Variants in PLTP observed in about 807,000 individuals in gnomAD.
PLTP encodes the protein BPI fold containing family E.
In PLTP, 43 loss-of-function variants were observed where a neutral mutation model predicts 54.1. The ratio of observed to expected loss-of-function variants is 0.79; its 90% CI spans 0.62 to 1.02. The LOEUF (loss-of-function observed/expected upper bound fraction) is 1.02. Among genes scored for constraint, PLTP ranks in the 50% least tolerant of loss-of-function variants. The pLI is 0.00. For synonymous variants in PLTP, 263 were observed against 264.6 expected (o/e 0.99, Z 0.06); for missense variants, 604 against 645.9 (o/e 0.94, Z 0.70).
In PLTP at chr20:45,910,728, G is replaced by A. The variant is rs898820153; in HGVS notation, c.200+424C>T. ...CGTTCACTTTGCCTCCATCACCTAA[G>A]CTCCGTCTCACATCTCAATTCCTTA... On this transcript the variant is annotated intron_variant, in intron 3 of 15. Coordinates refer to ENST00000372431, the MANE Select transcript of PLTP (RefSeq NM_006227.4). 7 of 723,984 alleles carry A rather than the reference G, an allele frequency of 9.7e-6. No homozygotes were observed. In the African/African-American group the frequency reaches 1.1e-4, roughly 12 times the overall value. The allele number at this position is 723,984 out of a possible 1,614,324, so 44.8% of individuals were successfully genotyped here.
Position 45,911,134 on chromosome 20 carries a change from G to GC in PLTP, c.200+17dup. 2 of 1,612,634 alleles carry GC rather than the reference G, an allele frequency of 1.2e-6. No individual in the cohort carries two copies. The highest frequency in any genetic ancestry group is 8.5e-7 in the Non-Finnish European group (1 of 1,178,720). On this transcript the variant is annotated intron_variant, in intron 3 of 15. Coordinates refer to ENST00000372431, the MANE Select transcript of PLTP (RefSeq NM_006227.4). ...CCGAGGCCCCGCCCCGGATCGCGAG[G>GC]CCCCGCCCCCCACTTACTCAGAGAT...
chr20:45,910,682 A>C (rs1340746801), intron 3 of PLTP, among the ~76,000 whole-genome samples: 1 of 149,530 alleles, frequency 6.7e-6, no homozygotes, highest in East Asian at 2.0e-4. Flanking sequence ...GGGTTGCTAC[A>C]CCCGGTCTTT....
At chr20:45,909,831 A>G in intron 4 of PLTP, 111 bp downstream of exon 4, 1 of 1,479,638 alleles carries the variant, frequency 6.8e-7, no homozygotes, top group Non-Finnish European at 9.4e-7. Flanking sequence ...TTTCTGTTAC[A>G]CAGATGAAGA....
chr20:45,902,262 C>T lies in PLTP; in HGVS notation c.1175+5G>A, dbSNP rs758137325. 6.8e-6 allele frequency: 11 copies of T among 1,613,654 alleles called. No individual in the cohort carries two copies. The highest frequency in any genetic ancestry group is 3.3e-5 in the South Asian group (3 of 91,072). ...ACTGAGGTGCAGGGAAGTGCGCCTG[C>T]CTACCTGCGCAGGTCCAGCTGCGTG... On this transcript the variant is annotated splice_donor_5th_base_variant and intron_variant, in intron 12 of 15. Transcript: ENST00000372431.
chr20:45,912,086 T>G lies in PLTP; in HGVS notation c.-19A>C, dbSNP rs981338788. ...GGACGCGCCCCAACTCACTCAGCGG[T>G]GGAGCTGGGGGGCGGCGCGGTCACG... On this transcript the variant is annotated 5_prime_UTR_variant, in exon 1 of 16. Coordinates refer to ENST00000372431, the MANE Select transcript of PLTP (RefSeq NM_006227.4). The G allele has an allele frequency of 1.3e-5, 2 of 155,010 alleles. No homozygotes were observed. The highest frequency in any genetic ancestry group is 1.3e-4 in the Admixed American group (2 of 15,710). 9.6% of individuals were successfully genotyped at this position (155,010 alleles called of 1,614,324 possible). A position where few individuals can be genotyped will look rare whatever the true frequency, so the allele number is the denominator to read the frequency against.
chr20:45,905,478 TC>T (rs1158962597), intron 8 of PLTP, among the ~76,000 whole-genome samples: 1 of 152,274 alleles, frequency 6.6e-6, no homozygotes, highest in African/African-American at 2.4e-5. Flanking sequence ...ACTTCTTTAA[TC>T]TGCATAACAA....
chr20:45,911,426 T>G lies in PLTP; in HGVS notation c.27A>C (p.Leu9=). ...CTGCATGTGCGCCTGCCAGCAGCGCTAGGAAGAGGGCCCCGAAGAGGGCCA... is the reference window on the plus strand; with the variant it reads ...CTGCATGTGCGCCTGCCAGCAGCGCGAGGAAGAGGGCCCCGAAGAGGGCCA... MALFGALF[L]ALLAGAHAEF... The change falls in exon 2 of 16, where the codon CTA becomes CTC. Residue 9 remains leucine (L), a synonymous_variant. Coordinates refer to ENST00000372431, the MANE Select transcript of PLTP (RefSeq NM_006227.4). The G allele has an allele frequency of 6.2e-7, 1 of 1,606,536 alleles. No homozygotes were observed. The highest frequency in any genetic ancestry group is 1.1e-5 in the South Asian group (1 of 91,072).
intron 2 of PLTP, 50 bp downstream of exon 2, chr20:45,911,303 A>AC: frequency 6.2e-7 from 1 of 1,611,970 alleles, no homozygotes; most frequent in Non-Finnish European, 8.5e-7. Flanking sequence ...TGTTGGGGCG[A>AC]CCCCAACCCC....
At chr20:45,906,404 T>G in intron 7 of PLTP, 45 bp from the exon 8 acceptor site, 1 of 1,477,212 alleles carries the variant, frequency 6.8e-7, no homozygotes. Context: ...TGATGTGGGA[T>G]AAGGTGCTTA....
chr20:45,900,421 A>G (rs537064325), intron 12 of PLTP, among the ~76,000 whole-genome samples: 6 of 151,858 alleles, frequency 4.0e-5, no homozygotes, highest in Non-Finnish European at 7.4e-5. Context: ...GAGCACTTCT[A>G]ATGTGCCAGA....
chr20:45,909,787 C>A (rs2083273297), intron 4 of PLTP, 116 bp from the exon 5 acceptor site: 2 of 1,447,494 alleles, frequency 1.4e-6, no homozygotes, highest in African/African-American at 1.4e-5. Flanking sequence ...CCTACCAAAC[C>A]TTCCTATCAA....
chr20:45,906,387 G>T (rs764975021), intron 7 of PLTP, 28 bp from the exon 8 acceptor site: 1 of 1,573,020 alleles, frequency 6.4e-7, no homozygotes, highest in East Asian at 2.3e-5. Flanking sequence ...AGTCACTCAC[G>T]GCTGTGTGAT....
chr20:45,900,524 T>C (rs965434467), intron 12 of PLTP, among the ~76,000 whole-genome samples: 1 of 152,064 alleles, frequency 6.6e-6, no homozygotes, highest in Non-Finnish European at 1.5e-5. Flanking sequence ...ATTTATTTTC[T>C]TTTTTTATTT....
rs2083269746 is a variant in PLTP, at chr20:45,909,496, G to A, written c.485+20C>T. 1 of 1,613,690 alleles carries A rather than the reference G, an allele frequency of 6.2e-7. No individual in the cohort carries two copies. The highest frequency in any genetic ancestry group is 8.5e-7 in the Non-Finnish European group (1 of 1,179,878). ...TGTGGGGCTCGAAAAGGGTGAGCTGGGGTTGGGGCTGGGGCTTACTTGAAG... is the reference window on the plus strand; with the variant it reads ...TGTGGGGCTCGAAAAGGGTGAGCTGAGGTTGGGGCTGGGGCTTACTTGAAG... On this transcript the variant is annotated intron_variant, in intron 5 of 15. Transcript: ENST00000372431.
intron 8 of PLTP, among the ~76,000 whole-genome samples, chr20:45,905,985 G>GGGGAAAGGCCGTGCATT (rs1252276288): frequency 1.3e-5 from 2 of 152,208 alleles, no homozygotes; most frequent in Non-Finnish European, 2.9e-5. Context: ...GGCCGTGCAT[G>GGGGAAAGGCCGTGCATT]AGCAAAGGCC....
chr20:45,909,741 A>G, intron 4 of PLTP, 70 bp from the exon 5 acceptor site: 1 of 1,549,366 alleles, frequency 6.5e-7, no homozygotes, highest in Non-Finnish European at 8.9e-7. Flanking sequence ...ATGCATCACC[A>G]TACCTCTTAA....
At chr20:45,903,984 C>A (rs1422240675) in intron 10 of PLTP, among the ~76,000 whole-genome samples, 1 of 152,206 alleles carries the variant, frequency 6.6e-6, no homozygotes, top group African/African-American at 2.4e-5. Flanking sequence ...TAGGCGTGAG[C>A]CATCATGCCC....
intron 3 of PLTP, chr20:45,910,930 C>T: frequency 7.0e-7 from 1 of 1,430,872 alleles, no homozygotes; most frequent in Non-Finnish European, 9.1e-7. Flanking sequence ...TCTTGGCCCC[C>T]TCTACATTTT....
chr20:45,899,811 A>ACCCCCCCCCCCCCCC, intron 13 of PLTP, 25 bp downstream of exon 13: 1 of 211,052 alleles, frequency 4.7e-6, no homozygotes, highest in South Asian at 3.4e-5. Context: ...AACCCAGCCC[A>ACCCCCCCCCCCCCCC]GCCCACCCAC....
Sources: allele counts gnomAD v4.1 joint callset (sites outside exome capture counted in the v4.1 genomes callset), GRCh38; gene constraint gnomAD v4.1.1; transcripts MANE v1.5; gene names NCBI Gene and HGNC (gene_info 2026-07-23, HGNC 2026-07-21).